Variants in PLIN4 observed in about 807,000 individuals in gnomAD.
The protein encoded by PLIN4 is perilipin-4.
In PLIN4, 57 loss-of-function variants were observed where a neutral mutation model predicts 52.4. The ratio of observed to expected loss-of-function variants is 1.09; its 90% CI spans 0.88 to 1.36. PLIN4 has a LOEUF of 1.36. Ranked by LOEUF, PLIN4 falls within the 40% of genes most tolerant of loss-of-function variation. The pLI, the probability that PLIN4 is intolerant of heterozygous loss-of-function variation, is 0.00. For missense variants in PLIN4, 1,757 were observed against 1,770.3 expected (o/e 0.99, Z 0.13); for synonymous variants, 826 against 785.4 (o/e 1.05, Z -0.86).
rs904431176 is a variant in PLIN4 at position 4,513,455 on chromosome 19, T to C, written c.505A>G (p.Lys169Glu). ...DTSKAVLTGT[K>E]DTVSTGLTGA... ...GTGAGCCCAGTGGACACCGTGTCCT[T>C]GGTGCCGGTGAGGACAGCCTTCGAG... The change falls in exon 5 of 8, where the codon AAG (lysine) becomes GAG (glutamate). Residue 169 changes from lysine (K) to glutamate (E), a missense_variant. Physicochemically the swap from Lys to Glu is moderately conservative, Grantham distance 56. Transcript: ENST00000301286. The C allele has an allele frequency of 1.2e-6, 2 of 1,613,450 alleles. No individual in the cohort carries two copies. The highest frequency in any genetic ancestry group is 1.7e-6 in the Non-Finnish European group (2 of 1,179,884).
Position 4,504,432 on chromosome 19 carries a change from C to T in PLIN4, c.*27G>A, listed in dbSNP as rs1351020177. The T allele has an allele frequency of 2.0e-6, 3 of 1,507,378 alleles. No individual in the cohort carries two copies. The highest frequency in any genetic ancestry group is 2.7e-6 in the Non-Finnish European group (3 of 1,128,098). The allele number at this position is 1,507,378 out of a possible 1,614,324, so 93.4% of individuals were successfully genotyped here. ...CCTCCCTGGACAGAGCAGGGCGACCCCGCGCCGGGCCTGCAGGCTCCTACA... is the reference window on the plus strand; with the variant it reads ...CCTCCCTGGACAGAGCAGGGCGACCTCGCGCCGGGCCTGCAGGCTCCTACA... On this transcript the variant is annotated 3_prime_UTR_variant, in exon 8 of 8. Coordinates refer to ENST00000301286, the MANE Select transcript of PLIN4 (RefSeq NM_001367868.2).
intron 6 of PLIN4, among the ~76,000 whole-genome samples, chr19:4,507,640 G>A (rs937423058): frequency 3.9e-5 from 6 of 152,102 alleles, no homozygotes; most frequent in Admixed American, 2.0e-4. Context: ...AGTGGGCCAT[G>A]ATCAAGCCAC....
chr19:4,509,952 T>C (rs539869828), intron 5 of PLIN4, among the ~76,000 whole-genome samples: 260 of 151,726 alleles, frequency 1.7e-3, no homozygotes, highest in Non-Finnish European at 3.2e-3. Context: ...TCACGTGTAA[T>C]CCCAACACTT....
chr19:4,508,519 G>A (rs1052967172), intron 6 of PLIN4, among the ~76,000 whole-genome samples: 28 of 152,250 alleles, frequency 1.8e-4, no homozygotes, highest in African/African-American at 6.5e-4. Flanking sequence ...CACCCGCCTC[G>A]GCCTCCCAAA....
rs145879367 is a variant in PLIN4, at chr19:4,508,140, T to A, written c.3702+628A>T. ...GGTAGCTTGCTGTCCTGTCCCTGCT[T>A]TTGGGGGCTTTGCAGAGCTGTCTCC... On this transcript the variant is annotated intron_variant, in intron 6 of 7. Transcript: ENST00000301286. Among the ~76,000 whole-genome samples the A allele has an allele frequency of 6.3e-3, 966 of 152,256 alleles. 12 individuals carry two copies. The highest frequency in any genetic ancestry group is 0.022 in the African/African-American group (920 of 41,538).
In PLIN4 at chr19:4,518,275, T is replaced by A; in HGVS notation, c.-3A>T. On this transcript the variant is annotated 5_prime_UTR_variant, in exon 2 of 8. Coordinates refer to ENST00000301286, the MANE Select transcript of PLIN4 (RefSeq NM_001367868.2). ...CTCCCTTCGTCTGGAGCAGACATAGTGAGAACGTGAGAAGCTGGAAGGGGG... is the reference window on the plus strand; with the variant it reads ...CTCCCTTCGTCTGGAGCAGACATAGAGAGAACGTGAGAAGCTGGAAGGGGG... 8.1e-7 allele frequency: 1 copy of A among 1,232,486 alleles called. No individual in the cohort carries two copies. Among genetic ancestry groups the A allele is most frequent in the Non-Finnish European group, 1.0e-6 (1 of 988,374 alleles). The allele number at this position is 1,232,486 out of a possible 1,614,324, so 76.3% of individuals were successfully genotyped here.
Position 4,504,586 on chromosome 19 carries a change from A to G in PLIN4, c.3989T>C (p.Leu1330Pro), listed in dbSNP as rs75136682. Residue 1330 changes from leucine to proline, a missense_variant, in exon 8 of 8, where the codon CTG becomes CCG. Around this residue, in one of 7 missense-constraint regions of PLIN4, gnomAD observed 712 missense variants for 637.1 expected, o/e 1.12. Transcript: ENST00000301286. ...GSVEELPAER[L>P]VQSREGVHQA... ...GTGCACACCCTCGCGGCTCTGCACC[A>G]GCCGCTCTGCGGGCAGCTCCTCTAC... The G allele has an allele frequency of 2.5e-6, 4 of 1,603,976 alleles. No homozygotes were observed. The highest frequency in any genetic ancestry group is 3.4e-6 in the Non-Finnish European group (4 of 1,177,470).
Position 4,508,789 on chromosome 19 carries a change from C to T in PLIN4, c.3681G>A (p.Gln1227=). ...GQFQARDTLA[Q]LQDCFRLIEK... ...TTACCAGCCTGAAGCAGTCCTGGAG[C>T]TGGGCCAGAGTGTCCCTGGCTTGGA... The change falls in exon 6 of 8, where the codon CAG becomes CAA. Residue 1227 remains glutamine, a synonymous_variant. Transcript: ENST00000301286. 1.3e-6 allele frequency: 2 copies of T among 1,591,362 alleles called. No homozygotes were observed. Among genetic ancestry groups the T allele is most frequent in the Non-Finnish European group, 1.7e-6 (2 of 1,169,554 alleles).
Position 4,511,902 on chromosome 19 carries a change from T to G in PLIN4, c.2058A>C (p.Val686=). 1.2e-6 allele frequency: 2 copies of G among 1,604,672 alleles called. No homozygotes were observed. Among genetic ancestry groups the G allele is most frequent in the Admixed American group, 1.7e-5 (1 of 59,478 alleles). The change falls in exon 5 of 8, where the codon GTA becomes GTC. Residue 686 remains valine (V), a synonymous_variant. Transcript: ENST00000301286. Reference sequence around the variant, plus strand: ...CGGTCAGCACGGTCTTGGCCGTGTCTACACCTGTCTGGGCAGCCCCTTTGG... The same window carrying G: ...CGGTCAGCACGGTCTTGGCCGTGTCGACACCTGTCTGGGCAGCCCCTTTGG... ...NVAKGAAQTG[V]DTAKTVLTGT...
intron 5 of PLIN4, 94 bp downstream of exon 5, chr19:4,510,352 C>T: frequency 8.0e-7 from 1 of 1,249,382 alleles, no homozygotes; most frequent in Non-Finnish European, 1.0e-6. Flanking sequence ...GGCAACAGAG[C>T]ACGACTCTGT....
rs1976311247 is a variant in PLIN4, at chr19:4,511,253, T to C, written c.2707A>G (p.Thr903Ala). The change falls in exon 5 of 8, where the codon ACA becomes GCA. Residue 903 changes from threonine to alanine, a missense_variant. Physicochemically the swap from Thr to Ala is moderately conservative, Grantham distance 58 (BLOSUM62 0). Around this residue, in one of 7 missense-constraint regions of PLIN4, gnomAD observed 712 missense variants for 637.1 expected, o/e 1.12. Transcript: ENST00000301286. ...GTKDAVSTGL[T>A]GAVNLAKGTV... ...CCTTTGGCCAAGTTCACAGCCCCTG[T>C]GAGCCCAGTGGACACGGCATCTTTA... is the stretch of plus-strand genomic sequence containing the variant. 1.9e-6 allele frequency: 3 copies of C among 1,610,944 alleles called. No individual in the cohort carries two copies. Among genetic ancestry groups the C allele is most frequent in the East Asian group, 4.5e-5 (2 of 44,692 alleles).
chr19:4,515,356 G>A (rs1452808160), intron 4 of PLIN4, among the ~76,000 whole-genome samples: 1 of 150,934 alleles, frequency 6.6e-6, no homozygotes, highest in Non-Finnish European at 1.5e-5. Context: ...TGCAGTCTCC[G>A]CCTCCTGGGT....
intron 3 of PLIN4, 137 bp from the exon 4 acceptor site, chr19:4,516,815 T>C: frequency 1.1e-6 from 1 of 917,964 alleles, no homozygotes; most frequent in Non-Finnish European, 1.6e-6. Flanking sequence ...CAGCAGGAGG[T>C]GACATCCACG....
intron 6 of PLIN4, among the ~76,000 whole-genome samples, chr19:4,506,725 G>A (rs1053648845): frequency 1.2e-4 from 19 of 152,256 alleles, no homozygotes; most frequent in African/African-American, 4.6e-4. Flanking sequence ...TCTGGCCCAG[G>A]CTACTTTGCT....
chr19:4,517,002 G>GC (rs1432815541), intron 3 of PLIN4, among the ~76,000 whole-genome samples: 4 of 152,066 alleles, frequency 2.6e-5, no homozygotes, highest in Non-Finnish European at 5.9e-5. Flanking sequence ...AGCCCGCCCC[G>GC]CCCCCACCGC....
chr19:4,508,031 G>A (rs1976148558), intron 6 of PLIN4, among the ~76,000 whole-genome samples: 1 of 152,108 alleles, frequency 6.6e-6, no homozygotes, highest in African/African-American at 2.4e-5. Context: ...AGGCCCTGCG[G>A]GCTCCCTGGA....
At position 4,504,654 on chromosome 19, in the gene PLIN4, G is replaced by A. The variant is rs370505845; in HGVS notation, c.3921C>T (p.His1307=). ...CGATGCCATAGAGCTCACAGAGGCTGTGCCGCGCCCGCCCCACTGGCTGCT... is the reference window on the plus strand; with the variant it reads ...CGATGCCATAGAGCTCACAGAGGCTATGCCGCGCCCGCCCCACTGGCTGCT... ...ELQQPVGRAR[H]SLCELYGIVA... The change falls in exon 8 of 8, where the codon CAC becomes CAT. Residue 1307 remains histidine, a synonymous_variant. Transcript: ENST00000301286. 6.2e-7 allele frequency: 1 copy of A among 1,603,342 alleles called. No homozygotes were observed. The highest frequency in any genetic ancestry group is 2.2e-5 in the East Asian group (1 of 44,744).
rs1016250234 is a variant in PLIN4 at position 4,512,809 on chromosome 19, G to A, written c.1151C>T (p.Ala384Val). 6 of 1,564,378 alleles carry A rather than the reference G, an allele frequency of 3.8e-6. 1 individual carries two copies. The highest frequency in any genetic ancestry group is 5.2e-6 in the Non-Finnish European group (6 of 1,161,748). ...GGTGGTATCCAGGCCCCCCTGGATG[G>A]CCTCTTTGGCCAAGTTCACGGCACC... ...VTGAVNLAKE[A>V]IQGGLDTTKS... is the part of the protein sequence containing the mutation. Residue 384 changes from alanine (A) to valine (V), a missense_variant, in exon 5 of 8, where the codon GCC (alanine) becomes GTC (valine). Transcript: ENST00000301286.
rs1416692623 is a variant in PLIN4 at position 4,513,419 on chromosome 19, T to C, written c.541A>G (p.Asn181Asp). ...TVSTGLTGAV[N>D]VAKGTVQAGV... is the part of the protein sequence containing the mutation. ...GCCTGTACGGTCCCTTTGGCCACAT[T>C]CACTGCCCCCGTGAGCCCAGTGGAC... Residue 181 changes from asparagine (N) to aspartate (D), a missense_variant, in exon 5 of 8, where the codon AAT becomes GAT. Physicochemically the swap from Asn to Asp is conservative, Grantham distance 23. Around this residue, in one of 7 missense-constraint regions of PLIN4, gnomAD observed 332 missense variants for 310.8 expected, o/e 1.07. Coordinates refer to ENST00000301286, the MANE Select transcript of PLIN4 (RefSeq NM_001367868.2). 1.1e-5 allele frequency: 17 copies of C among 1,613,498 alleles called. No individual in the cohort carries two copies. The highest frequency in any genetic ancestry group is 1.3e-5 in the Non-Finnish European group (15 of 1,179,900).
Sources: gnomAD v4.1 joint callset for allele counts (sites outside exome capture counted in the v4.1 genomes callset) on GRCh38, gnomAD v4.1.1 for gene constraint, gnomAD v4.1.1 regional missense constraint, MANE v1.5 for transcripts, NCBI Gene and HGNC (gene_info 2026-07-23, HGNC 2026-07-21) for gene names.